The following CTC1 variants were observed in gnomAD, a reference collection of about 807,000 sequenced individuals.
CTC1 encodes CST complex subunit CTC1.
In CTC1, 91 loss-of-function variants were observed where a neutral mutation model predicts 136.3. The observed-to-expected ratio is 0.67, with a 90% CI of 0.56 to 0.79. CTC1 has a LOEUF of 0.79. Ranked by LOEUF, CTC1 falls within the 30% of genes least tolerant of loss-of-function variation. The pLI, the probability that CTC1 is intolerant of heterozygous loss-of-function variation, is 0.00. For missense variants in CTC1, 1,432 were observed against 1,498.1 expected (o/e 0.96, Z 0.73); for synonymous variants, 606 against 613.8 (o/e 0.99, Z 0.19).
rs777726718 is a variant in CTC1, at chr17:8,231,466, G to A, written c.2479C>T (p.Pro827Ser). 5.6e-6 allele frequency: 9 copies of A among 1,603,990 alleles called. No individual in the cohort carries two copies. Among genetic ancestry groups the A allele is most frequent in the Non-Finnish European group, 7.7e-6 (9 of 1,174,866 alleles). The change falls in exon 15 of 23, where the codon CCA becomes TCA. Residue 827 changes from proline to serine, a missense_variant. Pro to Ser is a moderately conservative substitution (Grantham distance 74, BLOSUM62 -1). Transcript: ENST00000651323. The stretch of plus-strand genomic sequence containing the variant: ...GAACCATCCTTTTCAAACAACATTG[G>A]TGTCTGCACGGAAATGGGAAGACGA... ...YRLIAPGPAT[P>S]MLFEKDGSSC... is the part of the protein sequence containing the mutation.
In CTC1 at chr17:8,228,737, G is replaced by A; in HGVS notation, c.3377C>T (p.Ala1126Val). Reference protein sequence around the residue: ...RVVLQFAGPGAQLESSARVDE... With the variant: ...RVVLQFAGPGVQLESSARVDE... The stretch of plus-strand genomic sequence containing the variant: ...CCAGCCACATTACACCTCAAGTTGG[G>A]CTCCAGGCCCTGCAAACTGCAAGAC... The change falls in exon 21 of 23, where the codon GCC (alanine) becomes GTC (valine). Residue 1126 changes from alanine (A) to valine (V), a missense_variant. Coordinates refer to ENST00000651323, the MANE Select transcript of CTC1 (RefSeq NM_025099.6). The A allele has an allele frequency of 6.2e-7, 1 of 1,613,962 alleles. No individual in the cohort carries two copies.
At position 8,228,778 on chromosome 17, in the gene CTC1, T is replaced by C. The variant is rs1356710303; in HGVS notation, c.3336A>G (p.Gln1112=). The change falls in exon 21 of 23, where the codon CAA becomes CAG. Residue 1112 remains glutamine (Q), a synonymous_variant. Coordinates refer to ENST00000651323, the MANE Select transcript of CTC1 (RefSeq NM_025099.6). Reference sequence around the variant, plus strand: ...ACTGCAAGACCACTCTGCCTGGCACTTGGACGAAATCTAGGAGGGAGGCCC... The same window carrying C: ...ACTGCAAGACCACTCTGCCTGGCACCTGGACGAAATCTAGGAGGGAGGCCC... ...REWASLLDFV[Q]VPGRVVLQFA... The C allele has an allele frequency of 6.2e-7, 1 of 1,614,010 alleles. No individual in the cohort carries two copies. Among genetic ancestry groups the C allele is most frequent in the Non-Finnish European group, 8.5e-7 (1 of 1,180,008 alleles).
chr17:8,232,446 A>G lies in CTC1; in HGVS notation c.1975T>C (p.Leu659=). Reference sequence around the variant, plus strand: ...CTTCTCACGTCCCTCTCTACGATCAACTGAAACCTCTCTGCCCGCACCAGG... The same window carrying G: ...CTTCTCACGTCCCTCTCTACGATCAGCTGAAACCTCTCTGCCCGCACCAGG... ...GCLVRAERFQ[L]IVERDVRSSF... is the part of the protein sequence containing the mutation. Residue 659 remains leucine, a synonymous_variant, in exon 12 of 23, where the codon TTG becomes CTG. Transcript: ENST00000651323. 6.2e-7 allele frequency: 1 copy of G among 1,614,092 alleles called. No individual in the cohort carries two copies. The highest frequency in any genetic ancestry group is 8.5e-7 in the Non-Finnish European group (1 of 1,179,980).
Position 8,226,646 on chromosome 17 carries a change from C to CA in CTC1, c.*1533_*1534insT, listed in dbSNP as rs1034072979. The CA allele has an allele frequency of 1.3e-5, 2 of 152,186 alleles. No individual in the cohort carries two copies. The highest frequency in any genetic ancestry group is 4.8e-5 in the African/African-American group (2 of 41,438). The allele number at this position is 152,186 out of a possible 1,614,324, so 9.4% of individuals were successfully genotyped here. A position where few individuals can be genotyped will look rare whatever the true frequency, so the allele number is the denominator to read the frequency against. ...GGATTCGAACCTGCGCGGGGAGACC[C>CA]CAATGGATTTCTAGTCCATCGCCTT... On this transcript the variant is annotated 3_prime_UTR_variant, in exon 23 of 23. Transcript: ENST00000651323.
intron 3 of CTC1, 61 bp from the exon 4 acceptor site, chr17:8,238,303 C>G: frequency 6.4e-7 from 1 of 1,560,840 alleles, no homozygotes; most frequent in African/African-American, 1.4e-5. Flanking sequence ...CCCACCTCCC[C>G]GTTTGTTTCC....
At position 8,230,330 on chromosome 17, in the gene CTC1, C is replaced by T. The variant is rs759485791; in HGVS notation, c.2897G>A (p.Arg966Gln). Reference protein sequence around the residue: ...PPSLGLLPGARVHFSQLEKRV... With the variant: ...PPSLGLLPGAQVHFSQLEKRV... ...TTTCTCCAACTGGCTGAAGTGGACC[C>T]GGGCTCCTGGAAGTAGTCCTAGTGA... The change falls in exon 17 of 23, where the codon CGG becomes CAG. Residue 966 changes from arginine to glutamine, a missense_variant. Arg to Gln is a conservative substitution (Grantham distance 43, BLOSUM62 1). Coordinates refer to ENST00000651323, the MANE Select transcript of CTC1 (RefSeq NM_025099.6). The T allele has an allele frequency of 1.7e-5, 28 of 1,613,608 alleles. No individual in the cohort carries two copies. The highest frequency in any genetic ancestry group is 2.3e-5 in the Non-Finnish European group (27 of 1,179,922).
In CTC1 at chr17:8,233,021, C is replaced by T; in HGVS notation, c.1830G>A (p.Gly610=). The change falls in exon 11 of 23, where the codon GGG becomes GGA. Residue 610 remains glycine (G), a synonymous_variant. Coordinates refer to ENST00000651323, the MANE Select transcript of CTC1 (RefSeq NM_025099.6). The part of the protein sequence containing the change: ...SAFCPAQVLL[G]VLVASSHKGC... ...CTTTATGAGATGAAGCCACCAGAAC[C>T]CCAAGTAAAACCTGCAAGAAGATGA... The T allele has an allele frequency of 6.2e-7, 1 of 1,613,964 alleles. No homozygotes were observed. Among genetic ancestry groups the T allele is most frequent in the African/African-American group, 1.3e-5 (1 of 75,002 alleles).
Position 8,248,009 on chromosome 17 carries a change from A to C in CTC1, c.28T>G (p.Ser10Ala). The change falls in exon 1 of 23, where the codon TCC becomes GCC. Residue 10 changes from serine to alanine, a missense_variant. Transcript: ENST00000651323. Reference sequence around the variant, plus strand: ...GACGTAATAGCAGCACTCACGGAGGAAGGGACCTGGGCCCGGCCAGCCGCC... The same window carrying C: ...GACGTAATAGCAGCACTCACGGAGGCAGGGACCTGGGCCCGGCCAGCCGCC... MAAGRAQVP[S>A]SEQAWLEDAQ... The C allele has an allele frequency of 6.4e-7, 1 of 1,562,076 alleles. No homozygotes were observed. The highest frequency in any genetic ancestry group is 8.7e-7 in the Non-Finnish European group (1 of 1,146,388).
At chr17:8,244,082 C>T (rs1263548816) in intron 1 of CTC1, among the ~76,000 whole-genome samples, 1 of 152,054 alleles carries the variant, frequency 6.6e-6, no homozygotes, top group Non-Finnish European at 1.5e-5. Context: ...AAAACCAAAA[C>T]CAAAAATGAG....
chr17:8,228,283 A>G lies in CTC1; in HGVS notation c.3551T>C (p.Leu1184Pro). The change falls in exon 23 of 23, where the codon CTC (leucine) becomes CCC (proline). Residue 1184 changes from leucine (L) to proline (P), a missense_variant. By Grantham distance (98) the Leu-to-Pro change is moderately conservative. Transcript: ENST00000651323. ...PRLQRFQCGE[L>P]PFLTHVNPRL... ...GGGGTTCACGTGAGTCAGGAAAGGG[A>G]GCTCTCCACACTGGAATCGCTGTAG... The G allele has an allele frequency of 1.2e-6, 2 of 1,613,986 alleles. No individual in the cohort carries two copies. Among genetic ancestry groups the G allele is most frequent in the Non-Finnish European group, 1.7e-6 (2 of 1,179,980 alleles).
At chr17:8,239,452 T>C (rs1988030571) in intron 2 of CTC1, among the ~76,000 whole-genome samples, 1 of 152,014 alleles carries the variant, frequency 6.6e-6, no homozygotes, top group South Asian at 2.1e-4. Context: ...ATACAAGTAA[T>C]GGTTAAATTA....
In CTC1 at chr17:8,226,194, T is replaced by A. The variant is rs1014578407; in HGVS notation, c.*1986A>T. 6.6e-6 allele frequency: 1 copy of A among 152,214 alleles called. No individual in the cohort carries two copies. The highest frequency in any genetic ancestry group is 1.5e-5 in the Non-Finnish European group (1 of 68,044). 9.4% of individuals were successfully genotyped at this position (152,214 alleles called of 1,614,324 possible). On this transcript the variant is annotated 3_prime_UTR_variant, in exon 23 of 23. Transcript: ENST00000651323. Reference sequence around the variant, plus strand: ...GATATAAAAACAATACATGAAAGGATGTGGATTTAGCCGCAAAATCACGCT... The same window carrying A: ...GATATAAAAACAATACATGAAAGGAAGTGGATTTAGCCGCAAAATCACGCT...
At position 8,226,387 on chromosome 17, in the gene CTC1, T is replaced by C. The variant is rs1282560028; in HGVS notation, c.*1793A>G. The C allele has an allele frequency of 6.6e-6, 1 of 152,176 alleles. No homozygotes were observed. The allele number at this position is 152,176 out of a possible 1,614,324, so 9.4% of individuals were successfully genotyped here. On this transcript the variant is annotated 3_prime_UTR_variant, in exon 23 of 23. Coordinates refer to ENST00000651323, the MANE Select transcript of CTC1 (RefSeq NM_025099.6). The stretch of plus-strand genomic sequence containing the variant: ...CCCGGACCGAGCTTTTTCAGATCTT[T>C]CTAGAACTAATTTGGTAACTCAACT...
chr17:8,240,836 A>AT (rs1597392760), intron 2 of CTC1, among the ~76,000 whole-genome samples: 1 of 152,174 alleles, frequency 6.6e-6, no homozygotes, highest in Non-Finnish European at 1.5e-5. Flanking sequence ...AGATCGCGAT[A>AT]TTGCACTATA....
chr17:8,226,983 C>G lies in CTC1; in HGVS notation c.*1197G>C, dbSNP rs934397296. 2 of 152,490 alleles carry G rather than the reference C, an allele frequency of 1.3e-5. No homozygotes were observed. The highest frequency in any genetic ancestry group is 1.9e-4 in the East Asian group (1 of 5,194). 9.4% of individuals were successfully genotyped at this position (152,490 alleles called of 1,614,324 possible). On this transcript the variant is annotated 3_prime_UTR_variant, in exon 23 of 23. Transcript: ENST00000651323. ...AAAACAAAACACACACAAAAAAAAG[C>G]CACCCACTGGCCCGTACGGGGTTCG...
intron 2 of CTC1, among the ~76,000 whole-genome samples, chr17:8,240,989 A>G (rs1244400195): frequency 6.6e-6 from 1 of 151,426 alleles, no homozygotes; most frequent in African/African-American, 2.4e-5. Context: ...CAGGCTCAAG[A>G]TATGCATATA....
chr17:8,231,628 A>G (rs1489435767), intron 14 of CTC1, 98 bp downstream of exon 14: 15 of 1,290,566 alleles, frequency 1.2e-5, no homozygotes, highest in Non-Finnish European at 1.6e-5. Flanking sequence ...GCCTTCTTCC[A>G]GGAGGCCTAG....
rs1490340737 is a variant in CTC1, at chr17:8,242,545, AAAAAAAAAATAT to A, written c.197+428_197+439del. Reference sequence around the variant, plus strand: ...GATAGTGTAGAGAGAAAAAAAAAAAAAAAAAAAAATATATATATATATATATATATATATACA... The same window carrying A: ...GATAGTGTAGAGAGAAAAAAAAAAAAATATATATATATATATATATATACA... On this transcript the variant is annotated intron_variant, in intron 2 of 22. Transcript: ENST00000651323. Among the ~76,000 whole-genome samples the A allele has an allele frequency of 7.7e-3, 731 of 94,882 alleles. 4 individuals are homozygous for A. The highest frequency in any genetic ancestry group is 9.6e-3 in the Non-Finnish European group (421 of 43,974). 62.2% of individuals were successfully genotyped at this position (94,882 alleles called of 152,430 possible).
In CTC1 at chr17:8,234,557, A is replaced by C; in HGVS notation, c.1716T>G (p.Leu572=). Residue 572 remains leucine (L), a synonymous_variant, in exon 10 of 23, where the codon CTT becomes CTG. Coordinates refer to ENST00000651323, the MANE Select transcript of CTC1 (RefSeq NM_025099.6). ...KAWASFDPKA[L]LPLPEASYLP... ...GGTAGGAGGCCTCCGGGAGGGGCAG[A>C]AGGGCCTTAGGGTCAAAGGAGGCCC... 1 of 1,590,340 alleles carries C rather than the reference A, an allele frequency of 6.3e-7. No individual in the cohort carries two copies. The highest frequency in any genetic ancestry group is 8.6e-7 in the Non-Finnish European group (1 of 1,167,970).
Sources: allele counts gnomAD v4.1 joint callset (sites outside exome capture counted in the v4.1 genomes callset), GRCh38; gene constraint gnomAD v4.1.1; transcripts MANE v1.5; gene names NCBI Gene and HGNC (gene_info 2026-07-23, HGNC 2026-07-21).